Variants in WDR70 observed in about 807,000 individuals in gnomAD.
WDR70 encodes WD repeat domain 70, also known as WD repeat-containing protein 70.
Under a neutral mutation model 88.6 loss-of-function variants are expected in WDR70, and 53 were observed. The observed-to-expected ratio is 0.60, with a 90% CI of 0.48 to 0.75. The LOEUF is 0.75. Ranked by LOEUF, WDR70 falls within the 30% of genes least tolerant of loss-of-function variation. The pLI is 0.00. For synonymous variants in WDR70, 280 were observed against 270.0 expected (o/e 1.04, Z -0.36); for missense variants, 610 against 823.2 (o/e 0.74, Z 3.17).
chr5:37,558,185 C>A (rs1339044414), intron 9 of WDR70, among the ~76,000 whole-genome samples: 1 of 152,002 alleles, frequency 6.6e-6, no homozygotes. Flanking sequence ...ACAGAAATAT[C>A]AGCCATTTGT....
chr5:37,728,946 T>C (rs1472541393), intron 17 of WDR70, among the ~76,000 whole-genome samples: 1 of 152,150 alleles, frequency 6.6e-6, no homozygotes, highest in African/African-American at 2.4e-5. Context: ...TTGTTCCTTC[T>C]CCCACATTTT....
At chr5:37,707,921 GA>G (rs1187436953) in intron 13 of WDR70, among the ~76,000 whole-genome samples, 11 of 15,120 alleles carry the variant, frequency 7.3e-4, no homozygotes, top group Admixed American at 1.6e-3. Flanking sequence ...CTCAAAAAAA[GA>G]AAAAAAAAAA....
intron 6 of WDR70, among the ~76,000 whole-genome samples, chr5:37,442,172 G>T (rs1372553551): frequency 6.6e-6 from 1 of 150,644 alleles, no homozygotes; most frequent in Non-Finnish European, 1.5e-5. Flanking sequence ...CAAATAGCTG[G>T]GATTACAGGC....
chr5:37,639,722 G>A (rs1745057001), intron 10 of WDR70, among the ~76,000 whole-genome samples: 1 of 151,704 alleles, frequency 6.6e-6, no homozygotes, highest in South Asian at 2.1e-4. Flanking sequence ...ATGACTAAGT[G>A]GTTTGTTCCA....
At position 37,453,292 on chromosome 5, in the gene WDR70, G is replaced by A. The variant is rs367756981; in HGVS notation, c.686+9920G>A. Among the ~76,000 whole-genome samples the A allele has an allele frequency of 5.3e-5, 8 of 151,688 alleles. No individual in the cohort carries two copies. The South Asian group carries it at 6.2e-4, about 12-fold the overall frequency. On this transcript the variant is annotated intron_variant, in intron 7 of 17. Transcript: ENST00000265107. ...CACAGCCTTCAGAGCTGAGAGCCCC[G>A]AACAGAGATTTACCCACATATTTAT... is the stretch of plus-strand genomic sequence containing the variant.
intron 10 of WDR70, among the ~76,000 whole-genome samples, chr5:37,610,031 C>T (rs190999134): frequency 3.7e-4 from 57 of 152,280 alleles, no homozygotes; most frequent in African/African-American, 1.3e-3. Context: ...TGGCCCATGC[C>T]TGCAATCCCA....
intron 9 of WDR70, among the ~76,000 whole-genome samples, chr5:37,587,711 A>G (rs74293530): frequency 1.3e-5 from 2 of 151,242 alleles, no homozygotes; most frequent in East Asian, 3.9e-4. Context: ...TTGTAGTCCT[A>G]TGGCTTATAC....
intron 15 of WDR70, 118 bp downstream of exon 15, chr5:37,723,052 C>A: frequency 7.9e-7 from 1 of 1,261,870 alleles, no homozygotes; most frequent in Non-Finnish European, 1.1e-6. Context: ...TACAAAATTG[C>A]CCATTCATGT....
At chr5:37,736,641 G>A (rs1247620823) in intron 17 of WDR70, among the ~76,000 whole-genome samples, 1 of 147,780 alleles carries the variant, frequency 6.8e-6, no homozygotes, top group Non-Finnish European at 1.5e-5. Flanking sequence ...TTTTTTTTGC[G>A]GTGGGGGGGT....
Position 37,701,103 on chromosome 5 carries a change from C to G in WDR70, c.1238C>G (p.Pro413Arg), listed in dbSNP as rs775648345. 6.8e-6 allele frequency: 11 copies of G among 1,612,604 alleles called. No individual in the cohort carries two copies. Among genetic ancestry groups the G allele is most frequent in the Admixed American group, 6.7e-5 (4 of 60,012 alleles). Residue 413 changes from proline to arginine, a missense_variant, in exon 12 of 18, where the codon CCA becomes CGA. By Grantham distance (103) the Pro-to-Arg change is moderately radical. Around this residue, in one of 4 missense-constraint regions of WDR70, gnomAD observed 254 missense variants for 300.7 expected, o/e 0.84. Coordinates refer to ENST00000265107, the MANE Select transcript of WDR70 (RefSeq NM_018034.4). ...KLWDIRQFNKPLFSASGLPTM... is the reference protein window; with the variant it reads ...KLWDIRQFNKRLFSASGLPTM... ...TGGGACATCCGACAATTTAATAAACCACTTTTTTCAGCCTCGGGTCTTCCC... is the reference window on the plus strand; with the variant it reads ...TGGGACATCCGACAATTTAATAAACGACTTTTTTCAGCCTCGGGTCTTCCC...
At chr5:37,604,983 T>C (rs1743988554) in intron 9 of WDR70, 81 bp from the exon 10 acceptor site, 5 of 1,326,748 alleles carry the variant, frequency 3.8e-6, no homozygotes, top group Non-Finnish European at 5.0e-6. Flanking sequence ...GAAGCAGTCT[T>C]TATGGACTCT....
At chr5:37,384,855 G>A (rs1372979564) in intron 3 of WDR70, among the ~76,000 whole-genome samples, 4 of 151,720 alleles carry the variant, frequency 2.6e-5, no homozygotes, top group African/African-American at 9.7e-5. Flanking sequence ...CTGGGTATCC[G>A]GTAACTCAGT....
At chr5:37,608,966 T>C (rs1744111554) in intron 10 of WDR70, among the ~76,000 whole-genome samples, 1 of 152,222 alleles carries the variant, frequency 6.6e-6, no homozygotes, top group Non-Finnish European at 1.5e-5. Flanking sequence ...GTGCCTAGTA[T>C]ATAGCAGACC....
At chr5:37,440,123 C>T (rs1443370739) in intron 6 of WDR70, among the ~76,000 whole-genome samples, 1 of 152,074 alleles carries the variant, frequency 6.6e-6, no homozygotes, top group African/African-American at 2.4e-5. Flanking sequence ...GGAGAATTAT[C>T]ATCATGTTTA....
intron 9 of WDR70, among the ~76,000 whole-genome samples, chr5:37,565,477 TG>T (rs1207146515): frequency 3.3e-5 from 5 of 152,272 alleles, no homozygotes; most frequent in Admixed American, 3.3e-4. Context: ...CATATTTTGC[TG>T]CAAAAGTCAT....
At chr5:37,453,916 C>T (rs1033521064) in intron 7 of WDR70, among the ~76,000 whole-genome samples, 1 of 152,178 alleles carries the variant, frequency 6.6e-6, no homozygotes, top group African/African-American at 2.4e-5. Flanking sequence ...TCCACTGCCA[C>T]CCACTCTACC....
At chr5:37,562,033 CA>C (rs2112377771) in intron 9 of WDR70, among the ~76,000 whole-genome samples, 1 of 152,128 alleles carries the variant, frequency 6.6e-6, no homozygotes, top group African/African-American at 2.4e-5. Flanking sequence ...AATTTTATGT[CA>C]TTAAGTGAAA....
At chr5:37,686,681 A>T (rs746261195) in intron 10 of WDR70, among the ~76,000 whole-genome samples, 22 of 152,004 alleles carry the variant, frequency 1.4e-4, no homozygotes, top group Non-Finnish European at 2.4e-4. Flanking sequence ...ATTCCTTATA[A>T]TGTAATGCAT....
At chr5:37,639,376 A>G (rs1187889010) in intron 10 of WDR70, among the ~76,000 whole-genome samples, 3 of 152,230 alleles carry the variant, frequency 2.0e-5, no homozygotes, top group Non-Finnish European at 2.9e-5. Flanking sequence ...AAAAGGAAAG[A>G]CACAATTCAC....
Sources: allele counts gnomAD v4.1 joint callset (sites outside exome capture counted in the v4.1 genomes callset), GRCh38; gene constraint gnomAD v4.1.1; regional missense constraint gnomAD v4.1.1; transcripts MANE v1.5; gene names NCBI Gene and HGNC (gene_info 2026-07-23, HGNC 2026-07-21).